Variants in SHANK2 observed in about 807,000 individuals in gnomAD.
SHANK2 encodes the protein SH3 and multiple ankyrin repeat domains protein 2.
A neutral mutation model predicts 133.7 loss-of-function variants in SHANK2; 43 were observed. The observed-to-expected ratio is 0.32, with a 90% CI of 0.25 to 0.41. The LOEUF (loss-of-function observed/expected upper bound fraction) is 0.41, where lower values mean the gene tolerates loss of function less well. Among genes scored for constraint, SHANK2 ranks in the 10% least tolerant of loss-of-function variants. The pLI is 1.00. For missense variants in SHANK2, 1,994 were observed against 2,235.8 expected (o/e 0.89, Z 2.18); for synonymous variants, 1,017 against 952.8 (o/e 1.07, Z -1.24).
At chr11:70,560,997 G>C (rs1317880835) in intron 17 of SHANK2, among the ~76,000 whole-genome samples, 1 of 152,228 alleles carries the variant, frequency 6.6e-6, no homozygotes, top group Non-Finnish European at 1.5e-5. Flanking sequence ...GAAGAGAAAA[G>C]AGAGCGCAGA....
intron 15 of SHANK2, among the ~76,000 whole-genome samples, chr11:70,670,386 G>T (rs957913889): frequency 6.6e-6 from 1 of 152,222 alleles, no homozygotes; most frequent in African/African-American, 2.4e-5. Context: ...AGTTACGTGG[G>T]GGGTGTTGAG....
intron 11 of SHANK2, among the ~76,000 whole-genome samples, chr11:70,843,201 A>C (rs1555062227): frequency 6.9e-6 from 1 of 145,654 alleles, no homozygotes; most frequent in Non-Finnish European, 1.5e-5. Context: ...GGGAGGTTGC[A>C]AAGACAGCTA....
At chr11:70,885,013 G>A (rs572993799) in intron 11 of SHANK2, among the ~76,000 whole-genome samples, 2 of 152,198 alleles carry the variant, frequency 1.3e-5, no homozygotes, top group Non-Finnish European at 2.9e-5. Context: ...GAGACACTGC[G>A]CCCAGCCAGG....
chr11:71,105,966 C>G, intron 6 of SHANK2, among the ~76,000 whole-genome samples: 1 of 152,268 alleles, frequency 6.6e-6, no homozygotes, highest in East Asian at 1.9e-4. Flanking sequence ...TACTGGGTTA[C>G]GACTCCAAGC....
chr11:71,206,339 C>T (rs980262301), intron 2 of SHANK2, among the ~76,000 whole-genome samples: 3 of 152,122 alleles, frequency 2.0e-5, no homozygotes, highest in Non-Finnish European at 4.4e-5. Flanking sequence ...GAGGTTACAT[C>T]GTGACTGTTA....
chr11:70,710,610 A>C (rs1484252266), intron 14 of SHANK2, among the ~76,000 whole-genome samples: 1 of 152,188 alleles, frequency 6.6e-6, no homozygotes, highest in Non-Finnish European at 1.5e-5. Context: ...CTTTGAAAGC[A>C]AGTACTTTTC....
chr11:70,491,538 G>A (rs1416295439), intron 22 of SHANK2, among the ~76,000 whole-genome samples: 2 of 152,242 alleles, frequency 1.3e-5, no homozygotes, highest in Non-Finnish European at 2.9e-5. Flanking sequence ...AAGCCTTGTG[G>A]TAAATTTATA....
chr11:70,728,246 C>T (rs1372847542), intron 14 of SHANK2, among the ~76,000 whole-genome samples: 2 of 152,280 alleles, frequency 1.3e-5, no homozygotes, highest in African/African-American at 4.8e-5. Context: ...ATGAGAGTGT[C>T]CCACACCTCC....
chr11:70,636,726 T>G (rs1213690874), intron 17 of SHANK2, among the ~76,000 whole-genome samples: 7 of 150,814 alleles, frequency 4.6e-5, no homozygotes, highest in Non-Finnish European at 8.9e-5. Flanking sequence ...CGAGGATGCA[T>G]GATGTGTGAA....
chr11:70,617,484 T>C (rs1554996419), intron 17 of SHANK2, among the ~76,000 whole-genome samples: 2 of 88,142 alleles, frequency 2.3e-5, no homozygotes, highest in East Asian at 5.3e-4. Flanking sequence ...GTGGAGCAGA[T>C]TTGTCAAAAC....
At chr11:71,209,830 A>G (rs1954216179) in intron 2 of SHANK2, among the ~76,000 whole-genome samples, 1 of 152,146 alleles carries the variant, frequency 6.6e-6, no homozygotes, top group Non-Finnish European at 1.5e-5. Flanking sequence ...GGTCTCTGCC[A>G]GACTACATCC....
chr11:70,628,613 G>A lies in SHANK2; in HGVS notation c.2061+31215C>T, dbSNP rs782075142. On this transcript the variant is annotated intron_variant, in intron 17 of 25. Transcript: ENST00000601538. ...ACCCATGGGAGGCAGAGCTGGCCTC[G>A]ACGCCAGCCCCATGCTCACTCCACA... Among the ~76,000 whole-genome samples, 33 of 152,274 alleles carry A rather than the reference G, an allele frequency of 2.2e-4. 1 individual carries two copies. The highest frequency in any genetic ancestry group is 3.4e-3 in the Middle Eastern group (1 of 294).
chr11:70,677,458 G>C (rs1944923824), intron 15 of SHANK2, among the ~76,000 whole-genome samples: 1 of 152,246 alleles, frequency 6.6e-6, no homozygotes, highest in East Asian at 1.9e-4. Flanking sequence ...ATGAAACCCT[G>C]CCTTCCCTCT....
chr11:70,703,725 C>T (rs1323644130), intron 14 of SHANK2, among the ~76,000 whole-genome samples: 4 of 152,214 alleles, frequency 2.6e-5, no homozygotes, highest in Non-Finnish European at 4.4e-5. Context: ...TGTTTCCTGC[C>T]GCTGAGAGGT....
At chr11:71,131,307 A>G (rs2135330703) in intron 3 of SHANK2, among the ~76,000 whole-genome samples, 1 of 152,352 alleles carries the variant, frequency 6.6e-6, no homozygotes, top group South Asian at 2.1e-4. Context: ...AGACATGTCA[A>G]TGGAACAGGG....
chr11:70,929,830 C>A (rs1393423954), intron 10 of SHANK2, among the ~76,000 whole-genome samples: 1 of 152,194 alleles, frequency 6.6e-6, no homozygotes, highest in Non-Finnish European at 1.5e-5. Flanking sequence ...TTAGCAACTG[C>A]AATATTGAAA....
intron 17 of SHANK2, among the ~76,000 whole-genome samples, chr11:70,613,479 A>C (rs757727893): frequency 7.9e-5 from 12 of 152,202 alleles, no homozygotes; most frequent in Non-Finnish European, 1.8e-4. Flanking sequence ...CTGGGATTAC[A>C]GGCATGAGCC....
chr11:71,079,245 A>AACAGTC (rs1951259748), intron 8 of SHANK2, among the ~76,000 whole-genome samples: 2 of 152,226 alleles, frequency 1.3e-5, no homozygotes, highest in South Asian at 4.1e-4. Context: ...AAATCTTCAA[A>AACAGTC]ACAGTCACAG....
chr11:71,153,414 T>A (rs1418542561), intron 2 of SHANK2, among the ~76,000 whole-genome samples: 1 of 152,172 alleles, frequency 6.6e-6, no homozygotes, highest in African/African-American at 2.4e-5. Flanking sequence ...ATCATCACAG[T>A]CAAAGCAAGT....
Sources: allele counts gnomAD v4.1 joint callset (sites outside exome capture counted in the v4.1 genomes callset), GRCh38; gene constraint gnomAD v4.1.1; transcripts MANE v1.5; gene names NCBI Gene and HGNC (gene_info 2026-07-23, HGNC 2026-07-21).